The following TEX9 variants were observed in gnomAD, a reference collection of about 807,000 sequenced individuals.
TEX9 encodes the protein testis-expressed protein 9.
In TEX9, 74 loss-of-function variants were observed where a neutral mutation model predicts 59.6. The observed-to-expected ratio is 1.24, with a 90% CI of 1.03 to 1.51. The LOEUF (loss-of-function observed/expected upper bound fraction) is 1.51. TEX9 is among the 40% of genes most tolerant of loss of function. The pLI is 0.00. For synonymous variants in TEX9, 186 were observed against 152.2 expected (o/e 1.22, Z -1.64); for missense variants, 522 against 447.8 (o/e 1.17, Z -1.49).
chr15:56,433,865 A>G (rs929052120), intron 12 of TEX9, among the ~76,000 whole-genome samples: 3 of 152,132 alleles, frequency 2.0e-5, no homozygotes, highest in African/African-American at 4.8e-5. Flanking sequence ...TACTTTTTAT[A>G]TATTTTTCTT....
intron 9 of TEX9, 138 bp from the exon 10 acceptor site, chr15:56,412,164 A>G: frequency 1.4e-6 from 1 of 716,590 alleles, no homozygotes; most frequent in Non-Finnish European, 2.2e-6. Context: ...TTCAGCCTCT[A>G]CCCCCAAGCG....
In TEX9 at chr15:56,384,108, C is replaced by G. The variant is rs1337139400; in HGVS notation, c.263+77C>G. The stretch of plus-strand genomic sequence containing the variant: ...CGTTATGTAAGATCTTTTTTGCATG[C>G]AAACATTGAAAAATCTATAATTTGA... On this transcript the variant is annotated intron_variant, in intron 4 of 12. Transcript: ENST00000352903. The G allele has an allele frequency of 1.9e-5, 22 of 1,150,346 alleles. No individual in the cohort carries two copies. In the East Asian group the frequency reaches 5.3e-4, roughly 27 times the overall value. 71.3% of individuals were successfully genotyped at this position (1,150,346 alleles called of 1,614,324 possible).
At chr15:56,408,037 G>T (rs1359579186) in intron 9 of TEX9, among the ~76,000 whole-genome samples, 1 of 152,142 alleles carries the variant, frequency 6.6e-6, no homozygotes, top group African/African-American at 2.4e-5. Flanking sequence ...TTAGTGTACA[G>T]ACATTTCATA....
intron 1 of TEX9, among the ~76,000 whole-genome samples, chr15:56,343,592 A>G (rs1393793320): frequency 6.6e-6 from 1 of 152,106 alleles, no homozygotes. Context: ...GAAGTATAGT[A>G]AGAGGATATT....
intron 10 of TEX9, among the ~76,000 whole-genome samples, 158 bp from the exon 11 acceptor site, chr15:56,427,447 A>T (rs999409653): frequency 1.1e-4 from 17 of 152,188 alleles, no homozygotes; most frequent in African/African-American, 4.1e-4. Context: ...AAGCTATCAA[A>T]TTCCAGTAAT....
chr15:56,437,655 A>G (rs1300260266), intron 12 of TEX9, among the ~76,000 whole-genome samples: 5 of 152,214 alleles, frequency 3.3e-5, no homozygotes, highest in African/African-American at 1.2e-4. Flanking sequence ...GTATTCAATT[A>G]GGAAAAGAGG....
chr15:56,366,458 A>G lies in TEX9; in HGVS notation c.119+788A>G, dbSNP rs115045474. On this transcript the variant is annotated intron_variant, in intron 2 of 12. Transcript: ENST00000352903. ...AAAGAGACAGTCACACACGCCTTCAACCTGTAATGTGAGTGGCCTTCCTTG... is the reference window on the plus strand; with the variant it reads ...AAAGAGACAGTCACACACGCCTTCAGCCTGTAATGTGAGTGGCCTTCCTTG... 2.6e-3 allele frequency among the ~76,000 whole-genome samples: 394 copies of G among 152,254 alleles called. 3 individuals carry two copies. Among genetic ancestry groups the G allele is most frequent in the African/African-American group, 9.0e-3 (372 of 41,540 alleles).
intron 1 of TEX9, among the ~76,000 whole-genome samples, chr15:56,297,608 G>A (rs935035934): frequency 6.6e-6 from 1 of 152,272 alleles, no homozygotes; most frequent in Non-Finnish European, 1.5e-5. Flanking sequence ...TGGTTCAAGC[G>A]ATTCTCCTGC....
intron 1 of TEX9, among the ~76,000 whole-genome samples, chr15:56,257,098 TC>T (rs1320069252): frequency 6.6e-6 from 1 of 152,114 alleles, no homozygotes; most frequent in Admixed American, 6.6e-5. Flanking sequence ...TCCATCCATG[TC>T]CCAGCAAAGG....
At chr15:56,439,377 A>C (rs1370059416) in intron 12 of TEX9, among the ~76,000 whole-genome samples, 1 of 152,096 alleles carries the variant, frequency 6.6e-6, no homozygotes, top group Non-Finnish European at 1.5e-5. Flanking sequence ...TCAAAATCCC[A>C]GCAAAAAATA....
At chr15:56,424,552 C>G (rs1442414339) in intron 10 of TEX9, among the ~76,000 whole-genome samples, 1 of 151,470 alleles carries the variant, frequency 6.6e-6, no homozygotes, top group African/African-American at 2.4e-5. Flanking sequence ...GGACTTTTAC[C>G]CTCTCATTTC....
intron 2 of TEX9, among the ~76,000 whole-genome samples, chr15:56,367,127 T>C (rs1176409411): frequency 6.6e-6 from 1 of 152,158 alleles, no homozygotes; most frequent in East Asian, 1.9e-4. Context: ...ATGAGAAATA[T>C]ACAGGGACTA....
intron 1 of TEX9, among the ~76,000 whole-genome samples, chr15:56,313,476 G>T (rs1425548777): frequency 3.4e-5 from 5 of 146,648 alleles, no homozygotes; most frequent in East Asian, 3.9e-4. Flanking sequence ...TATTGAACCA[G>T]CCTTGCATCC....
At chr15:56,415,077 A>G (rs1335764537) in intron 10 of TEX9, among the ~76,000 whole-genome samples, 2 of 151,184 alleles carry the variant, frequency 1.3e-5, no homozygotes, top group Non-Finnish European at 2.9e-5. Flanking sequence ...CCCACCTTTT[A>G]ATGGGGTTGT....
chr15:56,443,551 TA>T, intron 12 of TEX9: 5 of 1,572,432 alleles, frequency 3.2e-6, no homozygotes, highest in Non-Finnish European at 4.3e-6. Flanking sequence ...TTAAATTTTT[TA>T]AAAAACATAA....
intron 1 of TEX9, among the ~76,000 whole-genome samples, chr15:56,291,714 A>G (rs2045098649): frequency 6.6e-6 from 1 of 151,916 alleles, no homozygotes; most frequent in Non-Finnish European, 1.5e-5. Context: ...ACTCCCCCCA[A>G]CTTCTACCTT....
intron 3 of TEX9, among the ~76,000 whole-genome samples, chr15:56,380,659 T>A (rs776229623): frequency 6.6e-6 from 1 of 152,210 alleles, no homozygotes; most frequent in East Asian, 1.9e-4. Flanking sequence ...TTATCTTTCA[T>A]GTTTGAAGGA....
At position 56,329,352 on chromosome 15, in the gene TEX9, AC is replaced by A. The variant is rs554510359; in HGVS notation, c.-106-44087del. On this transcript the variant is annotated intron_variant, in intron 1 of 5. Coordinates refer to the TEX9 transcript ENST00000560827. The stretch of plus-strand genomic sequence containing the variant: ...ACTGTAAATAAAGACTGCAGTAAAT[AC>A]CTAACTCTTCAATGCCCAGACACTG... Among the ~76,000 whole-genome samples, 1,254 of 152,260 alleles carry A rather than the reference AC, an allele frequency of 8.2e-3. 11 individuals carry two copies. The highest frequency in any genetic ancestry group is 0.011 in the Non-Finnish European group (737 of 68,014).
intron 10 of TEX9, among the ~76,000 whole-genome samples, chr15:56,413,591 TTCTG>T (rs1196159756): frequency 4.0e-5 from 6 of 151,540 alleles, no homozygotes; most frequent in Admixed American, 3.3e-4. Flanking sequence ...CCATTGTACT[TTCTG>T]TCTCTATAAA....
Sources: gnomAD v4.1 joint callset for allele counts (sites outside exome capture counted in the v4.1 genomes callset) on GRCh38, gnomAD v4.1.1 for gene constraint, MANE v1.5 for transcripts, NCBI Gene and HGNC (gene_info 2026-07-23, HGNC 2026-07-21) for gene names.